NUDT3: variants seen among roughly 807,000 people sequenced by gnomAD.
NUDT3 encodes the protein diphosphoinositol polyphosphate phosphohydrolase 1.
A neutral mutation model predicts 23.6 loss-of-function variants in NUDT3; 9 were observed. The observed-to-expected ratio is 0.38, with a 90% CI of 0.23 to 0.66. NUDT3 has a LOEUF of 0.66. Among genes scored for constraint, NUDT3 ranks in the 30% least tolerant of loss-of-function variants. The pLI, the probability that NUDT3 is intolerant of heterozygous loss-of-function variation, is 0.52. For missense variants in NUDT3, 172 were observed against 218.5 expected, an observed-to-expected ratio of 0.79 and a Z score of 1.34; for synonymous variants, 86 against 82.6, an observed-to-expected ratio of 1.04 and a Z score of -0.22.
At position 34,341,961 on chromosome 6, in the gene NUDT3, C is replaced by T. The variant is rs932181151; in HGVS notation, c.111G>A (p.Val37=). 5 of 1,613,274 alleles carry T rather than the reference C, an allele frequency of 3.1e-6. No individual in the cohort carries two copies. Among genetic ancestry groups the T allele is most frequent in the Non-Finnish European group, 4.2e-6 (5 of 1,179,628 alleles). Residue 37 remains valine, a synonymous_variant, in exon 2 of 5, where the codon GTG becomes GTA. Transcript: ENST00000607016. ...RSESEEEVLL[V]SSSRHPDRWI... ...ATCTGTCTGGATGGCGACTACTGCT[C>T]ACGAGTAGCACCTGTTAAGTCACAA...
rs114772654 is a variant in NUDT3 at position 34,316,146 on chromosome 6, G to C, written c.211-20461C>G. On this transcript the variant is annotated intron_variant, in intron 2 of 4. Transcript: ENST00000607016. ...CCCAAAGCACTGGGATTACAGGTGT[G>C]AGTCACCACACCTGGCCCAAAAGCT... is the stretch of plus-strand genomic sequence containing the variant. 3.4e-3 allele frequency among the ~76,000 whole-genome samples: 519 copies of C among 152,280 alleles called. 5 individuals are homozygous for C. The highest frequency in any genetic ancestry group is 0.012 in the African/African-American group (488 of 41,568).
chr6:34,323,290 G>A (rs1016351505), intron 2 of NUDT3, among the ~76,000 whole-genome samples: 7 of 152,130 alleles, frequency 4.6e-5, no homozygotes, highest in South Asian at 2.1e-4. Flanking sequence ...AAAGAAAGAC[G>A]GGCTGGGCAC....
chr6:34,358,868 T>C (rs779906034), intron 1 of NUDT3, among the ~76,000 whole-genome samples: 12 of 152,172 alleles, frequency 7.9e-5, no homozygotes, highest in Admixed American at 1.3e-4. Context: ...ACAGTAACTA[T>C]ATAGGAGAAA....
At chr6:34,335,120 T>G (rs1267009754) in intron 2 of NUDT3, among the ~76,000 whole-genome samples, 1 of 152,118 alleles carries the variant, frequency 6.6e-6, no homozygotes, top group Non-Finnish European at 1.5e-5. Flanking sequence ...AATGGAAACA[T>G]ACAGCATGAG....
At chr6:34,390,618 G>C (rs534875721) in intron 1 of NUDT3, among the ~76,000 whole-genome samples, 2 of 152,128 alleles carry the variant, frequency 1.3e-5, no homozygotes, top group African/African-American at 4.8e-5. Flanking sequence ...TTGGTCTCCT[G>C]AAGTGCTAGG....
intron 4 of NUDT3, among the ~76,000 whole-genome samples, chr6:34,289,347 G>T (rs768550114): frequency 2.0e-5 from 3 of 152,150 alleles, no homozygotes; most frequent in Non-Finnish European, 4.4e-5. Context: ...TGGGCGGATC[G>T]CTTGAGCCCA....
intron 1 of NUDT3, among the ~76,000 whole-genome samples, chr6:34,384,513 A>G (rs1377797292): frequency 1.3e-5 from 2 of 152,188 alleles, no homozygotes; most frequent in African/African-American, 4.8e-5. Flanking sequence ...AGTACAAACA[A>G]GCCCATCCCT....
intron 2 of NUDT3, among the ~76,000 whole-genome samples, chr6:34,297,430 C>T (rs965414744): frequency 2.0e-5 from 3 of 151,994 alleles, no homozygotes; most frequent in Non-Finnish European, 4.4e-5. Context: ...CCTGAACACA[C>T]TCTGCTCATC....
intron 1 of NUDT3, among the ~76,000 whole-genome samples, chr6:34,375,822 C>T (rs958971708): frequency 1.3e-5 from 2 of 152,176 alleles, no homozygotes; most frequent in African/African-American, 4.8e-5. Flanking sequence ...ATCGTTAAAT[C>T]TGTTGCTACA....
At chr6:34,308,119 C>CAAAAAAAAAAAAAAAAAAAAAAAAA (rs533055608) in intron 2 of NUDT3, among the ~76,000 whole-genome samples, 2 of 60,124 alleles carry the variant, frequency 3.3e-5, no homozygotes, top group African/African-American at 7.3e-5. Flanking sequence ...AACTCTGTCT[C>CAAAAAAAAAAAAAAAAAAAAAAAAA]AAAAAAAAAA....
At chr6:34,371,162 A>G (rs1764821361) in intron 1 of NUDT3, among the ~76,000 whole-genome samples, 1 of 151,486 alleles carries the variant, frequency 6.6e-6, no homozygotes, top group Non-Finnish European at 1.5e-5. Flanking sequence ...TTTAAAAAGC[A>G]ACTTTATGGC....
At chr6:34,348,200 C>T (rs1388887374) in intron 1 of NUDT3, among the ~76,000 whole-genome samples, 1 of 150,792 alleles carries the variant, frequency 6.6e-6, no homozygotes, top group African/African-American at 2.4e-5. Context: ...GCAGGAGAAT[C>T]GCTAAAGCCC....
At chr6:34,349,873 A>C (rs1329132329) in intron 1 of NUDT3, among the ~76,000 whole-genome samples, 5 of 150,394 alleles carry the variant, frequency 3.3e-5, no homozygotes, top group Non-Finnish European at 5.9e-5. Flanking sequence ...GGCGGATCAC[A>C]AGGTCAGGAG....
intron 1 of NUDT3, among the ~76,000 whole-genome samples, chr6:34,369,803 A>G (rs1764798814): frequency 6.6e-6 from 1 of 151,796 alleles, no homozygotes; most frequent in African/African-American, 2.4e-5. Flanking sequence ...TCTTCTCAGG[A>G]AACTTGGCAA....
chr6:34,392,430 G>C lies in NUDT3; in HGVS notation c.-68C>G. The C allele has an allele frequency of 8.1e-7, 1 of 1,232,444 alleles. No homozygotes were observed. The highest frequency in any genetic ancestry group is 1.1e-6 in the Non-Finnish European group (1 of 878,586). The allele number at this position is 1,232,444 out of a possible 1,614,324, so 76.3% of individuals were successfully genotyped here. ...GAGGGGTGGGGAGCCCGCTCTGGAC[G>C]GCCGCGTGCGCGCGCGCCCCCGGCT... On this transcript the variant is annotated 5_prime_UTR_variant, in exon 1 of 5. Transcript: ENST00000607016.
At chr6:34,379,406 A>G (rs575770449) in intron 1 of NUDT3, among the ~76,000 whole-genome samples, 1 of 151,832 alleles carries the variant, frequency 6.6e-6, no homozygotes, top group East Asian at 2.0e-4. Flanking sequence ...CTAAAAATAC[A>G]AAAATTAGCT....
chr6:34,358,168 A>G (rs960218164), intron 1 of NUDT3, among the ~76,000 whole-genome samples: 1 of 151,998 alleles, frequency 6.6e-6, no homozygotes, highest in Non-Finnish European at 1.5e-5. Flanking sequence ...ACATCACCAT[A>G]CTTGCCCTTC....
At chr6:34,375,041 C>T (rs781502849) in intron 1 of NUDT3, among the ~76,000 whole-genome samples, 2 of 152,152 alleles carry the variant, frequency 1.3e-5, no homozygotes, top group Non-Finnish European at 2.9e-5. Flanking sequence ...TTTGAGCCCA[C>T]TAGGTAATAA....
intron 2 of NUDT3, among the ~76,000 whole-genome samples, chr6:34,322,435 T>C (rs539162878): frequency 1.3e-5 from 2 of 151,410 alleles, no homozygotes; most frequent in African/African-American, 2.4e-5. Context: ...TTCACTGTGT[T>C]AGCCAGGATG....
Sources: allele counts gnomAD v4.1 joint callset (sites outside exome capture counted in the v4.1 genomes callset), GRCh38; gene constraint gnomAD v4.1.1; transcripts MANE v1.5; gene names NCBI Gene and HGNC (gene_info 2026-07-23, HGNC 2026-07-21).